ESRRG: variants seen among roughly 807,000 people sequenced by gnomAD.
The protein encoded by ESRRG is estrogen-related receptor gamma.
Under a neutral mutation model 44.0 loss-of-function variants are expected in ESRRG, and 13 were observed. The observed-to-expected ratio is 0.30, with a 90% CI of 0.19 to 0.47. ESRRG has a LOEUF of 0.47. ESRRG is among the 20% of genes least tolerant of loss of function. The pLI is 1.00. For synonymous variants in ESRRG, 215 were observed against 214.6 expected, an observed-to-expected ratio of 1.00 and a Z score of -0.02; for missense variants, 395 against 580.6, an observed-to-expected ratio of 0.68 and a Z score of 3.29.
chr1:216,741,132 G>T (rs2090642918), intron 2 of ESRRG, among the ~76,000 whole-genome samples: 1 of 149,976 alleles, frequency 6.7e-6, no homozygotes, highest in African/African-American at 2.4e-5. Context: ...TATAAAAACA[G>T]AACATTGTCT....
At chr1:216,892,153 T>C (rs1243797147) in intron 2 of ESRRG, among the ~76,000 whole-genome samples, 1 of 152,134 alleles carries the variant, frequency 6.6e-6, no homozygotes, top group Non-Finnish European at 1.5e-5. Context: ...GTATTTAAAT[T>C]TGAAGTTATA....
intron 2 of ESRRG, among the ~76,000 whole-genome samples, chr1:216,872,625 A>T (rs2096274209): frequency 6.6e-6 from 1 of 152,028 alleles, no homozygotes; most frequent in Non-Finnish European, 1.5e-5. Context: ...GGGTTATTGT[A>T]TTCTTCAATT....
At chr1:216,542,555 A>G (rs2053216401) in intron 5 of ESRRG, among the ~76,000 whole-genome samples, 1 of 152,044 alleles carries the variant, frequency 6.6e-6, no homozygotes, top group East Asian at 1.9e-4. Flanking sequence ...ATACTTCAAT[A>G]ATATTCAGAA....
intron 2 of ESRRG, among the ~76,000 whole-genome samples, chr1:216,894,918 A>G (rs2058242786): frequency 6.6e-6 from 1 of 152,152 alleles, no homozygotes; most frequent in Non-Finnish European, 1.5e-5. Flanking sequence ...TTTTTTTAAA[A>G]AGATTTAAAC....
chr1:216,640,063 G>T (rs2066074712), intron 3 of ESRRG, among the ~76,000 whole-genome samples: 1 of 152,214 alleles, frequency 6.6e-6, no homozygotes, highest in South Asian at 2.1e-4. Flanking sequence ...TGGATAATCA[G>T]CTGAAATCCA....
At chr1:216,703,239 A>G (rs1232353605) in intron 1 of ESRRG, among the ~76,000 whole-genome samples, 1 of 152,194 alleles carries the variant, frequency 6.6e-6, no homozygotes, top group African/African-American at 2.4e-5. Context: ...CCTGGGTCAC[A>G]TAGGAAAAAG....
At chr1:216,575,200 T>C (rs1558589689) in intron 3 of ESRRG, among the ~76,000 whole-genome samples, 2 of 152,138 alleles carry the variant, frequency 1.3e-5, no homozygotes, top group South Asian at 2.1e-4. Flanking sequence ...ACATTATTTG[T>C]ATATTCACAC....
At chr1:216,588,840 C>G (rs1049265846) in intron 3 of ESRRG, among the ~76,000 whole-genome samples, 1 of 152,110 alleles carries the variant, frequency 6.6e-6, no homozygotes, top group African/African-American at 2.4e-5. Context: ...CTCCCCACCC[C>G]CAAAACAAGC....
intron 5 of ESRRG, among the ~76,000 whole-genome samples, chr1:216,552,472 C>G (rs1209000393): frequency 6.6e-6 from 1 of 152,160 alleles, no homozygotes; most frequent in Non-Finnish European, 1.5e-5. Context: ...CAAGTAAAGG[C>G]ATTTAACGTT....
At chr1:217,054,845 T>A (rs1238474650) in intron 1 of ESRRG, among the ~76,000 whole-genome samples, 1 of 152,088 alleles carries the variant, frequency 6.6e-6, no homozygotes, top group African/African-American at 2.4e-5. Context: ...TTGATTATAA[T>A]ATCACTGAAA....
intron 1 of ESRRG, among the ~76,000 whole-genome samples, chr1:217,028,854 T>C (rs2081594542): frequency 6.6e-6 from 1 of 152,172 alleles, no homozygotes; most frequent in African/African-American, 2.4e-5. Context: ...CTCTTCCCAA[T>C]TGTTTTCTAG....
chr1:216,580,077 A>C (rs2062450998), intron 3 of ESRRG, among the ~76,000 whole-genome samples: 1 of 152,196 alleles, frequency 6.6e-6, no homozygotes, highest in Non-Finnish European at 1.5e-5. Context: ...TAATCAAATG[A>C]TTTTGGTGTA....
chr1:217,087,097 T>C (rs921144783), intron 1 of ESRRG, among the ~76,000 whole-genome samples: 4 of 152,184 alleles, frequency 2.6e-5, no homozygotes, highest in African/African-American at 9.7e-5. Flanking sequence ...GCATAGCATG[T>C]CTGTGCAGAA....
intron 2 of ESRRG, among the ~76,000 whole-genome samples, chr1:216,802,175 A>G (rs1431146396): frequency 2.6e-5 from 4 of 152,088 alleles, no homozygotes; most frequent in Non-Finnish European, 4.4e-5. Flanking sequence ...GGAAAGCCTG[A>G]GGGGTGCTTT....
At chr1:216,754,822 C>T (rs2092343819) in intron 2 of ESRRG, among the ~76,000 whole-genome samples, 1 of 150,952 alleles carries the variant, frequency 6.6e-6, no homozygotes. Context: ...GGATTTCACT[C>T]TCAAACGTTC....
chr1:216,715,977 T>TTAATTTA (rs2084787910), intron 1 of ESRRG, among the ~76,000 whole-genome samples: 1 of 152,062 alleles, frequency 6.6e-6, no homozygotes, highest in Non-Finnish European at 1.5e-5. Flanking sequence ...ACATAAGTTC[T>TTAATTTA]TAATTTATAT....
intron 2 of ESRRG, among the ~76,000 whole-genome samples, chr1:216,839,609 T>C (rs11807312): frequency 0.45 from 69,124 of 152,038 alleles, 17,065 homozygotes; most frequent in African/African-American, 0.65. Flanking sequence ...ATTTCTTGAT[T>C]TATGAGCTGC....
chr1:216,724,537 A>T (rs2087080720), upstream of ESRRG, among the ~76,000 whole-genome samples: 1 of 152,154 alleles, frequency 6.6e-6, no homozygotes, highest in Admixed American at 6.5e-5. Flanking sequence ...TTGTTTCTAT[A>T]CATAAGGCAC....
intron 3 of ESRRG, among the ~76,000 whole-genome samples, chr1:216,619,977 A>T (rs11117633): frequency 0.2 from 30,058 of 152,104 alleles, 3,781 homozygotes; most frequent in Non-Finnish European, 0.29. Flanking sequence ...TCTGTCTATG[A>T]TCTTTCTCGA....
Sources: allele counts gnomAD v4.1 joint callset (sites outside exome capture counted in the v4.1 genomes callset), GRCh38; gene constraint gnomAD v4.1.1; transcripts MANE v1.5; gene names NCBI Gene and HGNC (gene_info 2026-07-23, HGNC 2026-07-21).